SRCAP: variants seen among roughly 807,000 people sequenced by gnomAD.
SRCAP encodes Snf2 related CREBBP activator protein.
Under a neutral mutation model 263.1 loss-of-function variants are expected in SRCAP, and 46 were observed. That is an observed-to-expected ratio of 0.17 (90% confidence interval 0.14 to 0.22). The LOEUF is 0.22. SRCAP is among the 10% of genes least tolerant of loss of function. SRCAP has a pLI of 1.00. For synonymous variants in SRCAP, 1,813 were observed against 1,662.1 expected, an observed-to-expected ratio of 1.09 and a Z score of -2.21; for missense variants, 3,695 against 4,181.9, an observed-to-expected ratio of 0.88 and a Z score of 3.21.
chr16:30,739,788 GC>G lies in SRCAP; in HGVS notation c.*57del. 6.9e-7 allele frequency: 1 copy of G among 1,444,054 alleles called. No homozygotes were observed. Among genetic ancestry groups the G allele is most frequent in the Non-Finnish European group, 9.1e-7 (1 of 1,096,006 alleles). 89.5% of individuals were successfully genotyped at this position (1,444,054 alleles called of 1,614,324 possible). On this transcript the variant is annotated 3_prime_UTR_variant, in exon 34 of 34. Coordinates refer to ENST00000262518, the MANE Select transcript of SRCAP (RefSeq NM_006662.3). ...CCGTGGCCACTCCCTCCATGACCAG[GC>G]CTGACTCTGTTAACCACTACTTGAA...
intron 3 of SRCAP, among the ~76,000 whole-genome samples, chr16:30,702,184 C>T (rs1254466344): frequency 6.6e-6 from 1 of 151,018 alleles, no homozygotes; most frequent in African/African-American, 2.4e-5. Context: ...CATCTTTGAC[C>T]TCGTGATCCC....
chr16:30,714,507 CT>C (rs749242748), intron 16 of SRCAP, among the ~76,000 whole-genome samples: 1 of 99,994 alleles, frequency 1.0e-5, no homozygotes, highest in Admixed American at 1.4e-4. Context: ...CCGTGCCGGG[CT>C]TTTTTTTTTT....
In SRCAP at chr16:30,736,192, C is replaced by G. The variant is rs368466760; in HGVS notation, c.6730-8C>G. ...CATGTTTTCTTTTTCTTTTATACAC[C>G]CTGGTAGGCATTGTGTCGGGCAGAA... On this transcript the variant is annotated splice_region_variant and splice_polypyrimidine_tract_variant and intron_variant, in intron 31 of 33. Transcript: ENST00000262518. 9.3e-6 allele frequency: 15 copies of G among 1,613,556 alleles called. No homozygotes were observed. Among genetic ancestry groups the G allele is most frequent in the African/African-American group, 2.7e-5 (2 of 74,814 alleles).
intron 24 of SRCAP, 98 bp downstream of exon 24, chr16:30,723,327 T>C (rs192587899): frequency 3.2e-4 from 472 of 1,487,260 alleles, no homozygotes; most frequent in Non-Finnish European, 4.1e-4. Context: ...TTTTTTCATA[T>C]CAGCGTACTG....
rs1190720601 is a variant in SRCAP, at chr16:30,711,957, C to G, written c.1615C>G (p.Gln539Glu). ...GTCTGAGGATGCCCAATCACAGAGCCAAGCAGATGAAGAGGAGGAAGATGA... is the reference window on the plus strand; with the variant it reads ...GTCTGAGGATGCCCAATCACAGAGCGAAGCAGATGAAGAGGAGGAAGATGA... Reference protein sequence around the residue: ...EESEDAQSQSQADEEEEDDDF... With the variant: ...EESEDAQSQSEADEEEEDDDF... The change falls in exon 12 of 34, where the codon CAA becomes GAA. Residue 539 changes from glutamine to glutamate, a missense_variant. By Grantham distance (29) the Gln-to-Glu change is conservative. Around this residue, in one of 12 missense-constraint regions of SRCAP, gnomAD observed 288 missense variants for 302.4 expected, o/e 0.95. Coordinates refer to ENST00000262518, the MANE Select transcript of SRCAP (RefSeq NM_006662.3). 6.2e-7 allele frequency: 1 copy of G among 1,613,866 alleles called. No homozygotes were observed. The highest frequency in any genetic ancestry group is 1.7e-5 in the Admixed American group (1 of 59,980).
chr16:30,725,172 T>C (rs2053052177), intron 25 of SRCAP, 90 bp downstream of exon 25: 4 of 1,510,756 alleles, frequency 2.6e-6, no homozygotes, highest in Non-Finnish European at 3.5e-6. Context: ...ACATTTAACC[T>C]GGTGAATTAC....
At chr16:30,711,119 C>T (rs773917709) in intron 10 of SRCAP, 31 bp downstream of exon 10, 1 of 1,553,318 alleles carries the variant, frequency 6.4e-7, no homozygotes, top group Non-Finnish European at 8.8e-7. Flanking sequence ...TACTAAGCAT[C>T]CACTTGGTGT....
rs869052611 is a variant in SRCAP, at chr16:30,726,522, CT to C, written c.5658+1456del. ...CAGTTTCTCCACATTTGAGCCAATA[CT>C]TTTTTTTTTTTTTTTGAGAAGGAGT... is the stretch of plus-strand genomic sequence containing the variant. On this transcript the variant is annotated intron_variant, in intron 25 of 33. Coordinates refer to ENST00000262518, the MANE Select transcript of SRCAP (RefSeq NM_006662.3). 3.1e-3 allele frequency among the ~76,000 whole-genome samples: 436 copies of C among 141,022 alleles called. 1 individual carries two copies. Among genetic ancestry groups the C allele is most frequent in the African/African-American group, 4.9e-3 (188 of 38,630 alleles). The allele number at this position is 141,022 out of a possible 152,430, so 92.5% of individuals were successfully genotyped here.
Position 30,709,587 on chromosome 16 carries a change from T to C in SRCAP, c.708T>C (p.Ile236=). 3 of 1,614,132 alleles carry C rather than the reference T, an allele frequency of 1.9e-6. No individual in the cohort carries two copies. Among genetic ancestry groups the C allele is most frequent in the East Asian group, 2.2e-5 (1 of 44,868 alleles). The stretch of plus-strand genomic sequence containing the variant: ...CCCTGGACCTGCATTTGGACTTCAT[T>C]GTGGGGCAAACTGAAAAGTACTCGG... ...KKALDLHLDF[I]VGQTEKYSDL... The change falls in exon 7 of 34, where the codon ATT becomes ATC. Residue 236 remains isoleucine, a synonymous_variant. Transcript: ENST00000262518.
chr16:30,736,962 C>T (rs2053166121), intron 33 of SRCAP, 87 bp from the exon 34 acceptor site: 2 of 1,421,794 alleles, frequency 1.4e-6, no homozygotes, highest in South Asian at 1.4e-5. Context: ...GCGTGAGCCA[C>T]CGCGCCTGAC....
Position 30,740,547 on chromosome 16 carries a change from C to T in SRCAP, c.*814C>T, listed in dbSNP as rs1348294146. The T allele has an allele frequency of 6.6e-6, 1 of 152,252 alleles. No individual in the cohort carries two copies. Among genetic ancestry groups the T allele is most frequent in the African/African-American group, 2.4e-5 (1 of 41,444 alleles). The allele number at this position is 152,252 out of a possible 1,614,324, so 9.4% of individuals were successfully genotyped here. A position where few individuals can be genotyped will look rare whatever the true frequency, so the allele number is the denominator to read the frequency against. On this transcript the variant is annotated 3_prime_UTR_variant, in exon 34 of 34. Coordinates refer to ENST00000262518, the MANE Select transcript of SRCAP (RefSeq NM_006662.3). Reference sequence around the variant, plus strand: ...TCTAGCCAAACTGGTTTGAGTCAGCCACACCCCTTCCCAGCTCCCTGGGCT... The same window carrying T: ...TCTAGCCAAACTGGTTTGAGTCAGCTACACCCCTTCCCAGCTCCCTGGGCT...
chr16:30,739,449 C>T lies in SRCAP; in HGVS notation c.9409C>T (p.Pro3137Ser), dbSNP rs1567255271. The change falls in exon 34 of 34, where the codon CCT becomes TCT. Residue 3137 changes from proline (P) to serine (S), a missense_variant. Transcript: ENST00000262518. ...CCCCCCACTAGAGACTGAGAAGTTG[C>T]CTCGCAAACGAGCAGGGGCCCCAGT... ...LVPPLETEKL[P>S]RKRAGAPVGG... 1.2e-6 allele frequency: 2 copies of T among 1,614,182 alleles called. No individual in the cohort carries two copies. Among genetic ancestry groups the T allele is most frequent in the Non-Finnish European group, 1.7e-6 (2 of 1,180,030 alleles).
Position 30,716,187 on chromosome 16 carries a change from T to G in SRCAP, c.2615T>G (p.Phe872Cys), listed in dbSNP as rs1485221440. Residue 872 changes from phenylalanine (F) to cysteine (C), a missense_variant, in exon 17 of 34, where the codon TTC (phenylalanine) becomes TGC (cysteine). This residue lies in a region of SRCAP where 147 missense variants were observed against 212.7 expected (regional missense o/e 0.69). Transcript: ENST00000262518. ...CGTCAACGCTGTCTCTATGATGACT[T>G]CATGGCACAGACCACGTAAGGGAGG... is the stretch of plus-strand genomic sequence containing the variant. ...SKRQRCLYDDFMAQTTTKETL... is the reference protein window; with the variant it reads ...SKRQRCLYDDCMAQTTTKETL... The G allele has an allele frequency of 6.2e-7, 1 of 1,614,214 alleles. No homozygotes were observed. The highest frequency in any genetic ancestry group is 1.7e-5 in the Admixed American group (1 of 60,014).
intron 33 of SRCAP, 147 bp downstream of exon 33, chr16:30,736,771 C>T: frequency 1.1e-6 from 1 of 888,534 alleles, no homozygotes; most frequent in Non-Finnish European, 1.7e-6. Flanking sequence ...CTCCCGGGTT[C>T]AAGCAGTTCT....
intron 18 of SRCAP, among the ~76,000 whole-genome samples, chr16:30,719,703 G>T (rs577449479): frequency 6.6e-6 from 1 of 152,038 alleles, no homozygotes; most frequent in African/African-American, 2.4e-5. Context: ...CTGTAGAGAC[G>T]GGGTCTTACT....
At position 30,739,005 on chromosome 16, in the gene SRCAP, G is replaced by A; in HGVS notation, c.8965G>A (p.Val2989Ile). 4 of 1,614,096 alleles carry A rather than the reference G, an allele frequency of 2.5e-6. No homozygotes were observed. The highest frequency in any genetic ancestry group is 3.4e-6 in the Non-Finnish European group (4 of 1,180,000). Residue 2989 changes from valine to isoleucine, a missense_variant, in exon 34 of 34, where the codon GTT becomes ATT. Physicochemically the swap from Val to Ile is conservative, Grantham distance 29. Around this residue, in one of 12 missense-constraint regions of SRCAP, gnomAD observed 1,207 missense variants for 1,142.9 expected, o/e 1.06. Transcript: ENST00000262518. ...ACTGCTAGTTTGTCCCACTGCTACT[G>A]TTGCCAACACTGTCACCACTGTCAC... is the stretch of plus-strand genomic sequence containing the variant. Reference protein sequence around the residue: ...PPLLVCPTATVANTVTTVTIS... With the variant: ...PPLLVCPTATIANTVTTVTIS...
intron 15 of SRCAP, 62 bp downstream of exon 15, chr16:30,713,439 G>GT: frequency 6.2e-7 from 1 of 1,611,402 alleles, no homozygotes; most frequent in Non-Finnish European, 8.5e-7. Flanking sequence ...GGCTGCCTGG[G>GT]TTGAGGAATG....
At chr16:30,720,623 GTCTC>G in intron 19 of SRCAP, 86 bp from the exon 20 acceptor site, 5 of 1,389,318 alleles carry the variant, frequency 3.6e-6, no homozygotes, top group South Asian at 1.4e-5. Flanking sequence ...TTTATAATCT[GTCTC>G]TCTGTTTCAT....
chr16:30,700,765 A>G lies in SRCAP; in HGVS notation c.-60A>G. The G allele has an allele frequency of 6.5e-7, 1 of 1,528,774 alleles. No homozygotes were observed. Among genetic ancestry groups the G allele is most frequent in the Non-Finnish European group, 9.0e-7 (1 of 1,105,038 alleles). The allele number at this position is 1,528,774 out of a possible 1,614,324, so 94.7% of individuals were successfully genotyped here. A position where few individuals can be genotyped will look rare whatever the true frequency, so the allele number is the denominator to read the frequency against. ...GGACGCCAGCCCCTCGGCCAGCAGT[A>G]CTGGTGATAACAACCCAGTCATTCT... is the stretch of plus-strand genomic sequence containing the variant. On this transcript the variant is annotated 5_prime_UTR_variant, in exon 3 of 34. Transcript: ENST00000262518.
Sources: allele counts gnomAD v4.1 joint callset (sites outside exome capture counted in the v4.1 genomes callset), GRCh38; gene constraint gnomAD v4.1.1; regional missense constraint gnomAD v4.1.1; transcripts MANE v1.5; gene names NCBI Gene and HGNC (gene_info 2026-07-23, HGNC 2026-07-21).